Variants in ZNF385D observed in about 807,000 individuals in gnomAD.
ZNF385D encodes zinc finger protein 385D, also known as zinc finger protein 659.
A neutral mutation model predicts 35.8 loss-of-function variants in ZNF385D; 15 were observed. That is an observed-to-expected ratio of 0.42 (90% CI 0.28 to 0.64). The LOEUF is 0.64. ZNF385D is among the 30% of genes least tolerant of loss of function. ZNF385D has a pLI of 0.23. For synonymous variants in ZNF385D, 212 were observed against 186.8 expected (o/e 1.13, Z -1.10); for missense variants, 474 against 494.6 (o/e 0.96, Z 0.39).
At chr3:21,580,439 A>T (rs1427069287) in intron 2 of ZNF385D, among the ~76,000 whole-genome samples, 1 of 152,228 alleles carries the variant, frequency 6.6e-6, no homozygotes, top group East Asian at 1.9e-4. Context: ...AACAAATTAA[A>T]CAATGGCACA....
rs1412432644 is a variant in ZNF385D at position 21,988,441 on chromosome 3, G to A, written c.325+180376C>T. 3.9e-3 allele frequency among the ~76,000 whole-genome samples: 530 copies of A among 134,680 alleles called. 5 individuals are homozygous for A. Among genetic ancestry groups the A allele is most frequent in the African/African-American group, 0.013 (498 of 38,610 alleles). The allele number at this position is 134,680 out of a possible 152,430, so 88.4% of individuals were successfully genotyped here. A position where few individuals can be genotyped will look rare whatever the true frequency, so the allele number is the denominator to read the frequency against. ...GAATACCCTGCCGTGTGAGGTGTCA[G>A]TGTGCCCCTGCTGGGGGGTGCCTCC... On this transcript the variant is annotated intron_variant, in intron 3 of 5. Transcript: ENST00000494108.
intron 2 of ZNF385D, among the ~76,000 whole-genome samples, chr3:21,614,405 G>A (rs1475690858): frequency 6.6e-6 from 1 of 152,126 alleles, no homozygotes; most frequent in Non-Finnish European, 1.5e-5. Flanking sequence ...CCTTTTTAGA[G>A]GCCTTATTTT....
chr3:22,225,709 A>G (rs1167963476), intron 2 of ZNF385D, among the ~76,000 whole-genome samples: 4 of 152,198 alleles, frequency 2.6e-5, no homozygotes, highest in African/African-American at 7.2e-5. Flanking sequence ...CAACAACCAA[A>G]TAAACTACTT....
intron 3 of ZNF385D, among the ~76,000 whole-genome samples, chr3:21,547,953 A>G (rs1311207956): frequency 6.6e-6 from 1 of 151,992 alleles, no homozygotes; most frequent in African/African-American, 2.4e-5. Flanking sequence ...GCCAGGTGGG[A>G]GGGGGTCCCT....
At chr3:22,171,352 G>A (rs1358145350) in intron 2 of ZNF385D, among the ~76,000 whole-genome samples, 2 of 151,914 alleles carry the variant, frequency 1.3e-5, no homozygotes, top group African/African-American at 4.8e-5. Context: ...ATTTAGCAGG[G>A]GAAAATATTG....
At chr3:21,683,347 G>T (rs2066977160) in intron 1 of ZNF385D, among the ~76,000 whole-genome samples, 1 of 149,804 alleles carries the variant, frequency 6.7e-6, no homozygotes, top group Non-Finnish European at 1.5e-5. Flanking sequence ...ACTTCAAAAA[G>T]AAGAGATTCA....
At chr3:21,822,599 T>C (rs1027406937) in intron 3 of ZNF385D, among the ~76,000 whole-genome samples, 5 of 144,906 alleles carry the variant, frequency 3.5e-5, no homozygotes, top group East Asian at 2.0e-4. Flanking sequence ...TAGAAACTTC[T>C]GGAATGGAAA....
At chr3:21,602,593 C>A (rs1256333171) in intron 2 of ZNF385D, among the ~76,000 whole-genome samples, 1 of 132,140 alleles carries the variant, frequency 7.6e-6, no homozygotes, top group African/African-American at 3.0e-5. Flanking sequence ...ACTGCAGTGG[C>A]GCAATCTCGG....
chr3:22,169,198 A>C (rs1381609891), intron 2 of ZNF385D, among the ~76,000 whole-genome samples: 1 of 152,176 alleles, frequency 6.6e-6, no homozygotes, highest in Non-Finnish European at 1.5e-5. Context: ...TAAAGTAGAC[A>C]ATCTCTTTAA....
At chr3:21,609,175 A>G (rs1021022743) in intron 2 of ZNF385D, among the ~76,000 whole-genome samples, 1 of 152,186 alleles carries the variant, frequency 6.6e-6, no homozygotes, top group African/African-American at 2.4e-5. Context: ...AGTAAAGTCC[A>G]TATTCCAGAA....
chr3:21,985,376 A>G (rs1694748207), intron 3 of ZNF385D, among the ~76,000 whole-genome samples: 1 of 116,532 alleles, frequency 8.6e-6, no homozygotes, highest in Non-Finnish European at 1.7e-5. Context: ...TTTAGCATGA[A>G]GGGTTGTTGA....
At chr3:21,860,643 T>C (rs73052612) in intron 3 of ZNF385D, among the ~76,000 whole-genome samples, 14,581 of 152,178 alleles carry the variant, frequency 0.096, 810 homozygotes, top group East Asian at 0.15. Flanking sequence ...ATGTCCATTG[T>C]CAGGTTTAAT....
chr3:22,020,295 T>A (rs948563337), intron 3 of ZNF385D, among the ~76,000 whole-genome samples: 1 of 151,894 alleles, frequency 6.6e-6, no homozygotes, highest in Non-Finnish European at 1.5e-5. Context: ...GGAGTGGAAA[T>A]GCTGCATGTA....
At chr3:22,044,938 A>G (rs951512840) in intron 3 of ZNF385D, among the ~76,000 whole-genome samples, 1 of 152,044 alleles carries the variant, frequency 6.6e-6, no homozygotes, top group African/African-American at 2.4e-5. Context: ...GAATACGGAG[A>G]GGTACATAAA....
chr3:21,477,107 C>T (rs370460766), intron 4 of ZNF385D, among the ~76,000 whole-genome samples: 24 of 152,198 alleles, frequency 1.6e-4, no homozygotes, highest in African/African-American at 5.3e-4. Context: ...GGACCCCTTC[C>T]TTTCCTGTCC....
intron 2 of ZNF385D, among the ~76,000 whole-genome samples, chr3:22,258,128 C>T (rs539463468): frequency 1.3e-5 from 2 of 151,848 alleles, no homozygotes; most frequent in South Asian, 2.1e-4. Context: ...GAGAGCCTTA[C>T]TCTTTATAAA....
chr3:21,622,745 G>C lies in ZNF385D; in HGVS notation c.165+42141C>G, dbSNP rs114927152. Among the ~76,000 whole-genome samples, 911 of 152,040 alleles carry C rather than the reference G, an allele frequency of 6.0e-3. 14 individuals carry two copies. Among genetic ancestry groups the C allele is most frequent in the African/African-American group, 0.021 (885 of 41,484 alleles). ...TAGCTTTTTCATCTAAAATAATGTG[G>C]TTTGCTTAATCATCAATTTATTTGA... On this transcript the variant is annotated intron_variant, in intron 2 of 7. Transcript: ENST00000281523.
chr3:21,671,825 C>G (rs1393914706), intron 1 of ZNF385D, among the ~76,000 whole-genome samples: 2 of 152,080 alleles, frequency 1.3e-5, no homozygotes, highest in Non-Finnish European at 2.9e-5. Context: ...AAGGAATATT[C>G]AGTATTTATC....
At chr3:21,817,310 C>T (rs986143780) in intron 3 of ZNF385D, among the ~76,000 whole-genome samples, 3 of 152,088 alleles carry the variant, frequency 2.0e-5, no homozygotes, top group African/African-American at 7.2e-5. Flanking sequence ...AAAGCAATGG[C>T]AACAAAAGCC....
Sources: gnomAD v4.1 joint callset for allele counts (sites outside exome capture counted in the v4.1 genomes callset) on GRCh38, gnomAD v4.1.1 for gene constraint, MANE v1.5 for transcripts, NCBI Gene and HGNC (gene_info 2026-07-23, HGNC 2026-07-21) for gene names.